Variants in THSD4 observed in about 807,000 individuals in gnomAD.
THSD4 encodes the protein thrombospondin type 1 domain containing 4.
In THSD4, 69 loss-of-function variants were observed where a neutral mutation model predicts 119.0. The ratio of observed to expected loss-of-function variants is 0.58; its 90% confidence interval spans 0.48 to 0.71. THSD4 has a LOEUF of 0.71. Among genes scored for constraint, THSD4 ranks in the 30% least tolerant of loss-of-function variants. The pLI is 0.00. For missense variants in THSD4, 1,393 were observed against 1,391.1 expected (o/e 1.00, Z -0.02); for synonymous variants, 524 against 540.4 (o/e 0.97, Z 0.42).
chr15:71,415,427 T>C (rs931097327), intron 7 of THSD4, among the ~76,000 whole-genome samples: 1 of 152,248 alleles, frequency 6.6e-6, no homozygotes, highest in African/African-American at 2.4e-5. Flanking sequence ...GCACATAATA[T>C]ATATTTATAG....
At chr15:71,427,243 A>T (rs2046883010) in intron 7 of THSD4, among the ~76,000 whole-genome samples, 1 of 151,022 alleles carries the variant, frequency 6.6e-6, no homozygotes. Flanking sequence ...ACTGCCATAC[A>T]CTGGGCAAGG....
At chr15:71,413,423 A>G (rs1259968072) in intron 7 of THSD4, among the ~76,000 whole-genome samples, 2 of 152,144 alleles carry the variant, frequency 1.3e-5, no homozygotes, top group Non-Finnish European at 2.9e-5. Context: ...TTTTTTGCCC[A>G]TTAACCATCC....
At chr15:71,481,471 A>G (rs529106077) in intron 7 of THSD4, among the ~76,000 whole-genome samples, 65 of 152,344 alleles carry the variant, frequency 4.3e-4, no homozygotes, top group African/African-American at 1.5e-3. Flanking sequence ...GATTTTTCTA[A>G]GTAGCTAAGT....
At chr15:71,731,398 A>G in intron 10 of THSD4, 181 bp downstream of exon 10, 1 of 604,340 alleles carries the variant, frequency 1.7e-6, no homozygotes, top group Non-Finnish European at 2.9e-6. Flanking sequence ...CTGAGCCTTC[A>G]CTGATGAGAC....
chr15:71,668,659 T>C lies in THSD4; in HGVS notation c.1357+7925T>C, dbSNP rs556714491. ...CAAGACTTCTGTCTTCATTGTGGAA[T>C]TGGAGAAAGGGCAGCTTGCTGACTG... is the stretch of plus-strand genomic sequence containing the variant. On this transcript the variant is annotated intron_variant, in intron 8 of 17. Transcript: ENST00000261862. Among the ~76,000 whole-genome samples, 38 of 152,278 alleles carry C rather than the reference T, an allele frequency of 2.5e-4. No individual in the cohort carries two copies. The South Asian group carries it at 7.5e-3, about 30-fold the overall frequency.
intron 7 of THSD4, among the ~76,000 whole-genome samples, chr15:71,550,263 G>A (rs1334308520): frequency 6.6e-6 from 1 of 152,220 alleles, no homozygotes; most frequent in Non-Finnish European, 1.5e-5. Flanking sequence ...GGAAGGGGAG[G>A]TGGGAATGGG....
At chr15:71,378,865 C>G (rs1241682020) in intron 6 of THSD4, among the ~76,000 whole-genome samples, 1 of 152,156 alleles carries the variant, frequency 6.6e-6, no homozygotes, top group Non-Finnish European at 1.5e-5. Flanking sequence ...CTCACTGCAG[C>G]CTGGAACTCC....
chr15:71,223,310 A>G (rs1256480612), intron 4 of THSD4, among the ~76,000 whole-genome samples: 1 of 152,240 alleles, frequency 6.6e-6, no homozygotes, highest in Non-Finnish European at 1.5e-5. Flanking sequence ...TTCAAAGTGA[A>G]AGGTAACACT....
chr15:71,734,749 A>G (rs891365095), intron 10 of THSD4, among the ~76,000 whole-genome samples: 7 of 147,886 alleles, frequency 4.7e-5, no homozygotes, highest in Non-Finnish European at 8.9e-5. Flanking sequence ...TGGTGGGAGG[A>G]GGTGTGTGGG....
At chr15:71,224,026 G>C (rs912000432) in intron 4 of THSD4, among the ~76,000 whole-genome samples, 1 of 152,158 alleles carries the variant, frequency 6.6e-6, no homozygotes, top group Non-Finnish European at 1.5e-5. Context: ...TGCCCAGGGA[G>C]GAGAGGGGAA....
intron 6 of THSD4, among the ~76,000 whole-genome samples, chr15:71,397,789 A>G (rs1370749505): frequency 6.6e-6 from 1 of 152,188 alleles, no homozygotes; most frequent in East Asian, 1.9e-4. Flanking sequence ...CTCTGAGCCA[A>G]AGGTTTCTCA....
intron 15 of THSD4, among the ~76,000 whole-genome samples, chr15:71,762,581 C>A (rs911489912): frequency 1.3e-5 from 2 of 152,162 alleles, no homozygotes; most frequent in African/African-American, 4.8e-5. Flanking sequence ...TCCACCCCTG[C>A]CGCCCACCCC....
At chr15:71,306,567 G>C (rs1389084897) in intron 6 of THSD4, among the ~76,000 whole-genome samples, 1 of 152,146 alleles carries the variant, frequency 6.6e-6, no homozygotes. Context: ...AAGCATTTGT[G>C]TTTTATAAAG....
At chr15:71,413,367 C>A (rs574972677) in intron 7 of THSD4, among the ~76,000 whole-genome samples, 21 of 152,284 alleles carry the variant, frequency 1.4e-4, no homozygotes, top group African/African-American at 5.1e-4. Flanking sequence ...GCTATAGTCA[C>A]CCTATTGTGC....
chr15:71,645,933 C>T (rs2050959861), intron 7 of THSD4, among the ~76,000 whole-genome samples: 1 of 152,238 alleles, frequency 6.6e-6, no homozygotes, highest in Non-Finnish European at 1.5e-5. Context: ...TTCCCTCATC[C>T]CTCCACCTGT....
chr15:71,143,700 C>CTTTTTTTTTTTTTTTTTTT (rs546375502), intron 2 of THSD4, among the ~76,000 whole-genome samples: 31 of 100,724 alleles, frequency 3.1e-4, no homozygotes, highest in Non-Finnish European at 4.5e-4. Context: ...TTTTTTCTTT[C>CTTTTTTTTTTTTTTTTTTT]TTTTTTTTTT....
intron 7 of THSD4, among the ~76,000 whole-genome samples, chr15:71,565,692 C>G (rs1030213673): frequency 2.6e-5 from 4 of 152,042 alleles, no homozygotes; most frequent in Admixed American, 2.0e-4. Flanking sequence ...AGTTTAATTG[C>G]AAACAAACAC....
intron 7 of THSD4, among the ~76,000 whole-genome samples, chr15:71,489,262 C>A (rs1418697896): frequency 6.6e-6 from 1 of 152,140 alleles, no homozygotes; most frequent in Non-Finnish European, 1.5e-5. Context: ...GAATCATATT[C>A]TTTTTCTGGA....
chr15:71,695,362 A>AGT (rs997504924), intron 8 of THSD4, among the ~76,000 whole-genome samples: 1 of 150,696 alleles, frequency 6.6e-6, no homozygotes, highest in Non-Finnish European at 1.5e-5. Flanking sequence ...TGTATGTATG[A>AGT]GTGTGTGTGT....
Sources: allele counts gnomAD v4.1 joint callset (sites outside exome capture counted in the v4.1 genomes callset), GRCh38; gene constraint gnomAD v4.1.1; transcripts MANE v1.5; gene names NCBI Gene and HGNC (gene_info 2026-07-23, HGNC 2026-07-21).